BMP5: variants seen among roughly 807,000 people sequenced by gnomAD.
BMP5 encodes the protein bone morphogenetic protein 5.
BMP5 carries 23 observed loss-of-function variants against 46.6 expected under a neutral mutation model. The observed-to-expected ratio is 0.49, with a 90% CI of 0.35 to 0.70. The LOEUF is 0.70. Ranked by LOEUF, BMP5 falls within the 30% of genes least tolerant of loss-of-function variation. The pLI is 0.00. For synonymous variants in BMP5, 204 were observed against 191.9 expected (o/e 1.06, Z -0.52); for missense variants, 545 against 565.6 (o/e 0.96, Z 0.37).
rs192905624 is a variant in BMP5, at chr6:55,866,130, C to G, written c.490+8246G>C. On this transcript the variant is annotated intron_variant, in intron 1 of 6. Transcript: ENST00000370830. ...AGCCTACACAGTTTCTGAGTTGCAC[C>G]CTCTCTTCCTCTTTTAATAATTATA... Among the ~76,000 whole-genome samples the G allele has an allele frequency of 1.8e-3, 268 of 152,048 alleles. 1 individual carries two copies. Among genetic ancestry groups the G allele is most frequent in the Middle Eastern group, 6.8e-3 (2 of 294 alleles).
At chr6:55,843,388 C>T (rs1777011713) in intron 1 of BMP5, among the ~76,000 whole-genome samples, 1 of 152,028 alleles carries the variant, frequency 6.6e-6, no homozygotes, top group South Asian at 2.1e-4. Flanking sequence ...AATACATCTT[C>T]ATAATGACAT....
Position 55,843,500 on chromosome 6 carries a change from G to C in BMP5, c.491-23653C>G, listed in dbSNP as rs114318525. ...ATTCATAGTTATGTTGTTTTCTGCT[G>C]TAATGTAACACACTGAGGCTGTGTT... On this transcript the variant is annotated intron_variant, in intron 1 of 6. Coordinates refer to ENST00000370830, the MANE Select transcript of BMP5 (RefSeq NM_021073.4). 3.4e-3 allele frequency among the ~76,000 whole-genome samples: 513 copies of C among 151,882 alleles called. 2 individuals are homozygous for C. Among genetic ancestry groups the C allele is most frequent in the African/African-American group, 0.011 (466 of 41,476 alleles).
intron 2 of BMP5, among the ~76,000 whole-genome samples, chr6:55,794,991 G>T (rs1775672563): frequency 6.6e-6 from 1 of 151,872 alleles, no homozygotes; most frequent in Admixed American, 6.6e-5. Context: ...TGAGTTGAGT[G>T]GCACAATCTA....
At chr6:55,791,719 A>G (rs939380467) in intron 3 of BMP5, among the ~76,000 whole-genome samples, 3 of 152,202 alleles carry the variant, frequency 2.0e-5, no homozygotes, top group African/African-American at 4.8e-5. Flanking sequence ...GAAAAAACAA[A>G]AAGAGAAACT....
intron 4 of BMP5, chr6:55,772,774 T>C: frequency 1.0e-6 from 1 of 985,172 alleles, no homozygotes; most frequent in Non-Finnish European, 1.2e-6. Context: ...TAATTCAGTA[T>C]AATGCAATTC....
chr6:55,814,294 G>C (rs2127536484), intron 2 of BMP5, among the ~76,000 whole-genome samples: 1 of 151,930 alleles, frequency 6.6e-6, no homozygotes, highest in South Asian at 2.1e-4. Context: ...ACAATTTTTT[G>C]CCATTATGTA....
chr6:55,789,526 C>G (rs960471646), intron 3 of BMP5, among the ~76,000 whole-genome samples: 1 of 151,918 alleles, frequency 6.6e-6, no homozygotes, highest in African/African-American at 2.4e-5. Flanking sequence ...AAAATCATTA[C>G]TGTAGATTTA....
chr6:55,829,294 G>T (rs1400585144), intron 1 of BMP5, among the ~76,000 whole-genome samples: 1 of 151,470 alleles, frequency 6.6e-6, no homozygotes, highest in Non-Finnish European at 1.5e-5. Context: ...CACACAGCAG[G>T]TATTCATATA....
intron 2 of BMP5, among the ~76,000 whole-genome samples, chr6:55,801,746 G>T (rs1352222467): frequency 6.6e-6 from 1 of 152,198 alleles, no homozygotes; most frequent in Admixed American, 6.5e-5. Flanking sequence ...TCTCTGGAAA[G>T]GGTGCTCTGG....
At chr6:55,788,173 AT>A (rs1775493349) in intron 3 of BMP5, among the ~76,000 whole-genome samples, 3 of 151,664 alleles carry the variant, frequency 2.0e-5, no homozygotes, top group African/African-American at 7.2e-5. Context: ...TTTTATGCTA[AT>A]GTTGGCCAGC....
chr6:55,825,856 G>T (rs1334382480), intron 1 of BMP5, among the ~76,000 whole-genome samples: 2 of 151,878 alleles, frequency 1.3e-5, no homozygotes, highest in African/African-American at 4.8e-5. Flanking sequence ...AGCAGTAGCT[G>T]TAAGGCAAAG....
intron 2 of BMP5, among the ~76,000 whole-genome samples, chr6:55,811,636 G>A (rs1330298707): frequency 6.6e-6 from 1 of 151,220 alleles, no homozygotes; most frequent in Non-Finnish European, 1.5e-5. Context: ...ATACACCTCT[G>A]CCCTCTCTCT....
intron 4 of BMP5, among the ~76,000 whole-genome samples, chr6:55,768,485 C>T (rs1264308938): frequency 2.6e-5 from 4 of 151,762 alleles, no homozygotes; most frequent in Non-Finnish European, 4.4e-5. Context: ...CAGCTGTAGG[C>T]TAATGTAAAT....
intron 2 of BMP5, among the ~76,000 whole-genome samples, chr6:55,797,943 C>T (rs1046661261): frequency 5.3e-5 from 8 of 152,022 alleles, no homozygotes; most frequent in African/African-American, 1.9e-4. Context: ...TAACAAAATA[C>T]CAGACTAGAG....
chr6:55,850,551 GT>G, intron 1 of BMP5, among the ~76,000 whole-genome samples: 1 of 152,014 alleles, frequency 6.6e-6, no homozygotes, highest in East Asian at 1.9e-4. Context: ...ATCCCACAAA[GT>G]TCCTCTGTCA....
chr6:55,865,518 C>T (rs557568489), intron 1 of BMP5: 5 of 427,906 alleles, frequency 1.2e-5, no homozygotes, highest in Non-Finnish European at 2.3e-5. Context: ...ATAGACTGAC[C>T]TTTTCCAAAG....
intron 2 of BMP5, among the ~76,000 whole-genome samples, chr6:55,812,843 A>G (rs576873917): frequency 6.6e-6 from 1 of 152,230 alleles, no homozygotes; most frequent in Admixed American, 6.5e-5. Context: ...ATTACTTTTC[A>G]AATTGAAATT....
At chr6:55,784,930 A>G (rs752101148) in intron 3 of BMP5, among the ~76,000 whole-genome samples, 5 of 152,002 alleles carry the variant, frequency 3.3e-5, no homozygotes, top group Non-Finnish European at 7.4e-5. Flanking sequence ...TTTCAGATTT[A>G]TTCTTAAGCT....
chr6:55,775,930 A>T (rs987595022), intron 3 of BMP5, among the ~76,000 whole-genome samples: 4 of 151,768 alleles, frequency 2.6e-5, no homozygotes, highest in Admixed American at 6.6e-5. Flanking sequence ...AAAAAAAAAA[A>T]AAGGCTGCAT....
Sources: allele counts gnomAD v4.1 joint callset (sites outside exome capture counted in the v4.1 genomes callset), GRCh38; gene constraint gnomAD v4.1.1; transcripts MANE v1.5; gene names NCBI Gene and HGNC (gene_info 2026-07-23, HGNC 2026-07-21).